Variants in PTPRO observed in about 807,000 individuals in gnomAD.
PTPRO encodes protein tyrosine phosphatase receptor type O.
Under a neutral mutation model 145.2 loss-of-function variants are expected in PTPRO, and 62 were observed. That is an observed-to-expected ratio of 0.43 (90% CI 0.35 to 0.53). PTPRO has a LOEUF of 0.53. Ranked by LOEUF, PTPRO falls within the 20% of genes least tolerant of loss-of-function variation. The probability of loss-of-function intolerance (pLI) is 0.01; values close to 1 mark genes in which losing one functional copy is unlikely to be tolerated. For missense variants in PTPRO, 1,345 were observed against 1,482.7 expected (o/e 0.91, Z 1.53); for synonymous variants, 565 against 514.7 (o/e 1.10, Z -1.32).
At chr12:15,488,412 G>A (rs1204167883) in intron 2 of PTPRO, among the ~76,000 whole-genome samples, 1 of 152,204 alleles carries the variant, frequency 6.6e-6, no homozygotes, top group Non-Finnish European at 1.5e-5. Flanking sequence ...CTTCATAAAA[G>A]AGGGAATTGA....
At chr12:15,578,218 GA>G (rs548371457) in intron 19 of PTPRO, among the ~76,000 whole-genome samples, 28 of 148,336 alleles carry the variant, frequency 1.9e-4, no homozygotes, top group Admixed American at 2.7e-4. Context: ...TTGCCTACAA[GA>G]AAAAAAAAGC....
chr12:15,458,259 A>AT (rs1247962687), intron 1 of PTPRO, among the ~76,000 whole-genome samples: 4 of 151,928 alleles, frequency 2.6e-5, no homozygotes, highest in Non-Finnish European at 5.9e-5. Context: ...GTGATAAGTC[A>AT]TTTTTTTCTT....
chr12:15,511,687 T>A (rs1942443902), intron 7 of PTPRO, among the ~76,000 whole-genome samples: 1 of 152,134 alleles, frequency 6.6e-6, no homozygotes, highest in Admixed American at 6.5e-5. Context: ...TGCCCCAGCC[T>A]CCCAATTAGC....
At chr12:15,582,702 G>C (rs1357853716) in intron 23 of PTPRO, among the ~76,000 whole-genome samples, 3 of 152,024 alleles carry the variant, frequency 2.0e-5, no homozygotes, top group Non-Finnish European at 4.4e-5. Context: ...TTAGTAGTTT[G>C]GGTTTTGTTT....
intron 1 of PTPRO, among the ~76,000 whole-genome samples, chr12:15,451,101 A>T (rs1011827747): frequency 2.6e-5 from 4 of 152,106 alleles, no homozygotes; most frequent in Non-Finnish European, 4.4e-5. Context: ...CACCTAACAC[A>T]TAAGGACTCA....
At chr12:15,418,172 A>G (rs1206545421) in intron 1 of PTPRO, among the ~76,000 whole-genome samples, 2 of 151,842 alleles carry the variant, frequency 1.3e-5, no homozygotes, top group African/African-American at 4.9e-5. Context: ...CTCCTTGTGG[A>G]CAAGAACTTT....
chr12:15,428,013 G>A (rs1940330486), intron 1 of PTPRO, among the ~76,000 whole-genome samples: 1 of 152,112 alleles, frequency 6.6e-6, no homozygotes, highest in African/African-American at 2.4e-5. Flanking sequence ...TTTAACAATT[G>A]TTATGAAAGG....
intron 2 of PTPRO, among the ~76,000 whole-genome samples, chr12:15,491,070 C>T (rs868119381): frequency 1.1e-4 from 16 of 152,174 alleles, no homozygotes; most frequent in Admixed American, 4.6e-4. Flanking sequence ...CCAGACCTAC[C>T]TCGCTGGCCT....
chr12:15,407,688 T>A (rs558453948), intron 1 of PTPRO, among the ~76,000 whole-genome samples: 1 of 152,232 alleles, frequency 6.6e-6, no homozygotes, highest in Non-Finnish European at 1.5e-5. Context: ...AAAACATTTT[T>A]ACTCCTCTTC....
At chr12:15,551,727 C>T in intron 15 of PTPRO, 56 bp downstream of exon 15, 3 of 1,575,298 alleles carry the variant, frequency 1.9e-6, no homozygotes, top group Non-Finnish European at 1.7e-6. Flanking sequence ...CTTTATCTGC[C>T]ATATATATAT....
intron 12 of PTPRO, among the ~76,000 whole-genome samples, chr12:15,533,723 A>G (rs917594731): frequency 2.7e-4 from 41 of 152,290 alleles, no homozygotes; most frequent in African/African-American, 9.4e-4. Context: ...TCATTTTGAT[A>G]TATATAGAAG....
At chr12:15,513,249 GGA>G (rs1443435389) in intron 7 of PTPRO, among the ~76,000 whole-genome samples, 1 of 125,432 alleles carries the variant, frequency 8.0e-6, no homozygotes, top group African/African-American at 2.9e-5. Flanking sequence ...AGGGAGGGAG[GGA>G]GAGAGGGAGG....
intron 2 of PTPRO, among the ~76,000 whole-genome samples, chr12:15,487,289 T>G (rs1386021986): frequency 6.6e-6 from 1 of 152,196 alleles, no homozygotes; most frequent in African/African-American, 2.4e-5. Context: ...GAGAGATTCC[T>G]GCCTCTTCTC....
intron 19 of PTPRO, among the ~76,000 whole-genome samples, chr12:15,572,389 AAGAGT>A (rs1226156675): frequency 2.0e-5 from 3 of 152,244 alleles, no homozygotes; most frequent in African/African-American, 7.2e-5. Flanking sequence ...AAACTATACA[AAGAGT>A]AGATATCAAC....
intron 7 of PTPRO, among the ~76,000 whole-genome samples, chr12:15,513,213 G>GAAAGA (rs1565675931): frequency 8.9e-6 from 1 of 112,432 alleles, no homozygotes; most frequent in Non-Finnish European, 1.8e-5. Context: ...AAGAAAGAAA[G>GAAAGA]AAAGAAAGAA....
chr12:15,581,065 A>C (rs1197021489), intron 22 of PTPRO, among the ~76,000 whole-genome samples: 4 of 152,148 alleles, frequency 2.6e-5, no homozygotes, highest in Non-Finnish European at 5.9e-5. Flanking sequence ...AAAAAGGAGA[A>C]ATATTGCATA....
chr12:15,411,066 GTT>G (rs1254044049), intron 1 of PTPRO, among the ~76,000 whole-genome samples: 2 of 152,174 alleles, frequency 1.3e-5, no homozygotes, highest in Admixed American at 6.5e-5. Flanking sequence ...TGAAAAAGAA[GTT>G]TGAGCTGTAT....
chr12:15,393,148 C>T (rs973296214), intron 1 of PTPRO, among the ~76,000 whole-genome samples: 4 of 152,072 alleles, frequency 2.6e-5, no homozygotes, highest in African/African-American at 7.2e-5. Flanking sequence ...TTCTGCCTTC[C>T]ACATGTTTTC....
intron 12 of PTPRO, among the ~76,000 whole-genome samples, chr12:15,539,532 C>T (rs926283868): frequency 4.0e-5 from 6 of 151,728 alleles, no homozygotes; most frequent in Non-Finnish European, 7.4e-5. Flanking sequence ...GAGGCCGAGG[C>T]GGGCAGATCA....
Sources: allele counts gnomAD v4.1 joint callset (sites outside exome capture counted in the v4.1 genomes callset), GRCh38; gene constraint gnomAD v4.1.1; transcripts MANE v1.5; gene names NCBI Gene and HGNC (gene_info 2026-07-23, HGNC 2026-07-21).